The following NLRP4 variants were observed in gnomAD, a reference collection of about 807,000 sequenced individuals.
NLRP4 encodes NACHT, LRR and PYD domains-containing protein 4.
Under a neutral mutation model 84.7 loss-of-function variants are expected in NLRP4, and 44 were observed. The ratio of observed to expected loss-of-function variants is 0.52; its 90% CI spans 0.41 to 0.67. NLRP4 has a LOEUF of 0.67. NLRP4 is among the 30% of genes least tolerant of loss of function. The probability of loss-of-function intolerance (pLI) is 0.00; values close to 1 mark genes in which losing one functional copy is unlikely to be tolerated. For synonymous variants in NLRP4, 544 were observed against 476.4 expected (o/e 1.14, Z -1.85); for missense variants, 1,260 against 1,219.4 (o/e 1.03, Z -0.50).
intron 2 of NLRP4, among the ~76,000 whole-genome samples, chr19:55,854,086 C>T (rs1984314640): frequency 6.6e-6 from 1 of 152,120 alleles, no homozygotes; most frequent in Non-Finnish European, 1.5e-5. Flanking sequence ...TCTCCTGCCT[C>T]AGCCTCCTGA....
intron 5 of NLRP4, among the ~76,000 whole-genome samples, chr19:55,867,213 T>C (rs990127420): frequency 1.3e-5 from 2 of 151,060 alleles, no homozygotes; most frequent in African/African-American, 4.9e-5. Context: ...GTTGGCTGTC[T>C]CTGTACCCCG....
intron 1 of NLRP4, among the ~76,000 whole-genome samples, chr19:55,851,629 TCCGAGG>T (rs1984149662): frequency 1.1e-5 from 1 of 89,088 alleles, no homozygotes; most frequent in Non-Finnish European, 2.4e-5. Context: ...CGGTGTAATG[TCCGAGG>T]CTGCGGTGTA....
intron 1 of NLRP4, among the ~76,000 whole-genome samples, chr19:55,847,154 A>G (rs566954746): frequency 8.2e-5 from 12 of 147,182 alleles, no homozygotes; most frequent in African/African-American, 2.7e-4. Context: ...ATTTTATTTG[A>G]GGGGGGGGCA....
rs113444208 is a variant in NLRP4 at position 55,858,548 on chromosome 19, C to T, written c.1155C>T (p.Ala385=). The T allele has an allele frequency of 5.2e-3, 8,371 of 1,614,046 alleles. 48 individuals carry two copies. Among genetic ancestry groups the T allele is most frequent in the South Asian group, 0.012 (1,078 of 91,082 alleles). ...FVFNLFTPEG[A]EGPTPQTQHQ... is the part of the protein sequence containing the mutation. ...TTAACCTGTTCACACCTGAGGGTGC[C>T]GAGGGCCCGACTCCGCAAACCCAGC... is the stretch of plus-strand genomic sequence containing the variant. Residue 385 remains alanine (A), a synonymous_variant, in exon 3 of 10, where the codon GCC becomes GCT. Transcript: ENST00000301295. The surrounding 1 kb of genome is among the most constrained non-coding windows in gnomAD (Gnocchi z 4.2).
At chr19:55,873,868 C>G (rs1054043421) in intron 7 of NLRP4, among the ~76,000 whole-genome samples, 19 of 151,868 alleles carry the variant, frequency 1.3e-4, no homozygotes, top group African/African-American at 4.1e-4. Flanking sequence ...GAAATTAGAA[C>G]ATATGTTGAA....
At chr19:55,859,843 C>T (rs1984654729) in intron 3 of NLRP4, among the ~76,000 whole-genome samples, 1 of 133,430 alleles carries the variant, frequency 7.5e-6, no homozygotes, top group African/African-American at 2.8e-5. Flanking sequence ...CGGAGAATCA[C>T]TTGAGCCCGG....
intron 1 of NLRP4, among the ~76,000 whole-genome samples, chr19:55,850,691 G>GAGGC (rs1231925398): frequency 2.9e-5 from 4 of 139,116 alleles, no homozygotes; most frequent in African/African-American, 3.0e-5. Flanking sequence ...TGTAATGTCC[G>GAGGC]TGGCTGCGGT....
At chr19:55,863,822 T>C in intron 5 of NLRP4, among the ~76,000 whole-genome samples, 1 of 152,178 alleles carries the variant, frequency 6.6e-6, no homozygotes, top group East Asian at 1.9e-4. Context: ...CTTTCCAGTA[T>C]GTATGTTTTA....
intron 5 of NLRP4, among the ~76,000 whole-genome samples, chr19:55,864,125 A>T (rs971189480): frequency 1.1e-4 from 17 of 152,198 alleles, no homozygotes; most frequent in African/African-American, 4.1e-4. Flanking sequence ...CAGTTTAGTG[A>T]TCCTCATATA....
Position 55,877,075 on chromosome 19 carries a change from C to A in NLRP4, c.2605C>A (p.Leu869Met). The A allele has an allele frequency of 6.2e-7, 1 of 1,614,120 alleles. No individual in the cohort carries two copies. The change falls in exon 8 of 10, where the codon CTG becomes ATG. Residue 869 changes from leucine to methionine, a missense_variant. By Grantham distance (15) the Leu-to-Met change is conservative. Transcript: ENST00000301295. ...CATCAGCAATCAAAACCTGAAGATTCTGCAAATTGGGTGCAATGAAATCGG... is the reference window on the plus strand; with the variant it reads ...CATCAGCAATCAAAACCTGAAGATTATGCAAATTGGGTGCAATGAAATCGG... ...ALISNQNLKI[L>M]QIGCNEIGDV...
chr19:55,848,992 A>C (rs2123006189), intron 1 of NLRP4, among the ~76,000 whole-genome samples: 1 of 152,216 alleles, frequency 6.6e-6, no homozygotes, highest in African/African-American at 2.4e-5. Flanking sequence ...CATGATTGTG[A>C]GGCCTCCCCA....
At chr19:55,851,923 T>C (rs1284465382) in intron 1 of NLRP4, 93 bp from the exon 2 acceptor site, 6 of 604,016 alleles carry the variant, frequency 9.9e-6, no homozygotes, top group Non-Finnish European at 1.7e-5. Flanking sequence ...TCCGCCTTCA[T>C]TGCCATCCCC....
chr19:55,853,831 TTC>T (rs368467937), intron 2 of NLRP4, among the ~76,000 whole-genome samples: 7 of 150,804 alleles, frequency 4.6e-5, no homozygotes, highest in East Asian at 3.9e-4. Context: ...TGCTGTCTCT[TTC>T]TCTCTCTCGT....
At chr19:55,859,953 CA>C (rs1171952787) in intron 3 of NLRP4, among the ~76,000 whole-genome samples, 2 of 55,914 alleles carry the variant, frequency 3.6e-5, no homozygotes, top group Non-Finnish European at 7.3e-5. Flanking sequence ...AAAAAAAAAA[CA>C]AAACACAAAT....
At chr19:55,857,311 C>T (rs917993457) in intron 2 of NLRP4, 21 of 274,078 alleles carry the variant, frequency 7.7e-5, no homozygotes, top group African/African-American at 3.5e-4. Flanking sequence ...TCAAACTTTA[C>T]GTAGTAGCAA....
Position 55,855,343 on chromosome 19 carries a change from G to C in NLRP4, c.281-2331G>C, listed in dbSNP as rs563863396. Among the ~76,000 whole-genome samples the C allele has an allele frequency of 5.3e-5, 8 of 152,304 alleles. No individual in the cohort carries two copies. The South Asian group carries it at 1.7e-3, about 32-fold the overall frequency. ...TTACACTTCTCTCTTTTCACAGTTGGTTTGAGGTTGTACCCACTTAATTCC... is the reference window on the plus strand; with the variant it reads ...TTACACTTCTCTCTTTTCACAGTTGCTTTGAGGTTGTACCCACTTAATTCC... On this transcript the variant is annotated intron_variant, in intron 2 of 9. Transcript: ENST00000301295.
chr19:55,855,293 T>G (rs1984367240), intron 2 of NLRP4, among the ~76,000 whole-genome samples: 1 of 152,240 alleles, frequency 6.6e-6, no homozygotes, highest in African/African-American at 2.4e-5. Context: ...TAAGCAGGTC[T>G]AAAGTTAGAT....
chr19:55,865,710 A>T (rs932278797), intron 5 of NLRP4, among the ~76,000 whole-genome samples: 3 of 152,166 alleles, frequency 2.0e-5, no homozygotes, highest in Admixed American at 6.5e-5. Flanking sequence ...CATTTTTCTA[A>T]TGATTAATGA....
chr19:55,870,802 CCTT>C (rs1273144746), intron 6 of NLRP4, 22 bp from the exon 7 acceptor site: 12 of 1,594,336 alleles, frequency 7.5e-6, no homozygotes, highest in Non-Finnish European at 1.0e-5. Context: ...TCTTCACTCT[CCTT>C]CTCGTGTTTT....
Sources: allele counts gnomAD v4.1 joint callset (sites outside exome capture counted in the v4.1 genomes callset), GRCh38; gene constraint gnomAD v4.1.1; non-coding constraint Gnocchi (gnomAD v3.1); transcripts MANE v1.5; gene names NCBI Gene and HGNC (gene_info 2026-07-23, HGNC 2026-07-21).